The following CNTNAP2 variants were observed in gnomAD, a reference collection of about 807,000 sequenced individuals.
The protein encoded by CNTNAP2 is contactin-associated protein-like 2.
CNTNAP2 carries 98 observed loss-of-function variants against 155.2 expected under a neutral mutation model. That is an observed-to-expected ratio of 0.63 (90% CI 0.54 to 0.75). CNTNAP2 has a LOEUF of 0.75. CNTNAP2 is among the 30% of genes least tolerant of loss of function. CNTNAP2 has a pLI of 0.00. For synonymous variants in CNTNAP2, 651 were observed against 631.2 expected, an observed-to-expected ratio of 1.03 and a Z score of -0.47; for missense variants, 1,727 against 1,688.1, an observed-to-expected ratio of 1.02 and a Z score of -0.40.
rs534923095 is a variant in CNTNAP2, at chr7:147,913,640, G to A, written c.2255+9919G>A. On this transcript the variant is annotated intron_variant, in intron 14 of 23. Transcript: ENST00000361727. ...GTCTGGAAAACAGAAACCTTAATAC[G>A]AGACAGAAGGTACTGCACGATGGCA... Among the ~76,000 whole-genome samples the A allele has an allele frequency of 2.8e-4, 42 of 152,310 alleles. 1 individual carries two copies. The highest frequency in any genetic ancestry group is 4.3e-4 in the Non-Finnish European group (29 of 68,020).
At chr7:147,123,268 A>G (rs774564463) in intron 6 of CNTNAP2, among the ~76,000 whole-genome samples, 1 of 152,232 alleles carries the variant, frequency 6.6e-6, no homozygotes, top group Non-Finnish European at 1.5e-5. Context: ...TGAATTATTC[A>G]TCCTCTGTTA....
At chr7:146,534,232 C>A (rs749067870) in intron 1 of CNTNAP2, among the ~76,000 whole-genome samples, 2 of 152,020 alleles carry the variant, frequency 1.3e-5, no homozygotes, top group Non-Finnish European at 2.9e-5. Flanking sequence ...TAAAATTGAA[C>A]TTGATTTTTT....
At chr7:147,162,342 A>G (rs1438574840) in intron 8 of CNTNAP2, among the ~76,000 whole-genome samples, 1 of 152,202 alleles carries the variant, frequency 6.6e-6, no homozygotes, top group Non-Finnish European at 1.5e-5. Flanking sequence ...ATTATTATGA[A>G]TAATGTTGTA....
intron 1 of CNTNAP2, among the ~76,000 whole-genome samples, chr7:146,187,892 A>G (rs1798646442): frequency 6.6e-6 from 1 of 152,168 alleles, no homozygotes; most frequent in African/African-American, 2.4e-5. Flanking sequence ...TCCACAACCC[A>G]TTAATACGTT....
At chr7:147,567,609 G>A (rs906174379) in intron 12 of CNTNAP2, among the ~76,000 whole-genome samples, 9 of 152,240 alleles carry the variant, frequency 5.9e-5, no homozygotes, top group Admixed American at 3.9e-4. Flanking sequence ...TGGCCAGACC[G>A]TTCCTGATGA....
intron 1 of CNTNAP2, among the ~76,000 whole-genome samples, chr7:146,561,571 G>A (rs1030489334): frequency 1.3e-5 from 2 of 152,032 alleles, no homozygotes; most frequent in African/African-American, 2.4e-5. Context: ...AGGCGGGAGC[G>A]TCGCTTGACC....
chr7:146,532,468 T>A (rs1007052543), intron 1 of CNTNAP2, among the ~76,000 whole-genome samples: 3 of 152,184 alleles, frequency 2.0e-5, no homozygotes, highest in Non-Finnish European at 4.4e-5. Context: ...TCCCACTTTC[T>A]TCTGAAACTT....
At chr7:146,959,106 G>A (rs1007964175) in intron 3 of CNTNAP2, among the ~76,000 whole-genome samples, 3 of 151,730 alleles carry the variant, frequency 2.0e-5, no homozygotes, top group African/African-American at 7.3e-5. Context: ...TGCAACCTCC[G>A]CCTTCCAGGT....
intron 14 of CNTNAP2, among the ~76,000 whole-genome samples, chr7:147,946,439 C>T (rs1326824921): frequency 6.6e-6 from 1 of 151,962 alleles, no homozygotes; most frequent in East Asian, 1.9e-4. Context: ...CAAAATAAAC[C>T]AGATAGCTTG....
At chr7:147,837,526 A>G (rs1798653369) in intron 13 of CNTNAP2, among the ~76,000 whole-genome samples, 1 of 152,116 alleles carries the variant, frequency 6.6e-6, no homozygotes, top group African/African-American at 2.4e-5. Flanking sequence ...TGCCTTCCCA[A>G]CAGTCCCCCA....
At chr7:147,394,807 TTGTGTGTGTGTG>T (rs61695156) in intron 9 of CNTNAP2, among the ~76,000 whole-genome samples, 1,414 of 139,338 alleles carry the variant, frequency 0.01, 20 homozygotes, top group African/African-American at 0.033. Flanking sequence ...ATCAACAGTA[TTGTGTGTGTGTG>T]TGTGTGTGTG....
chr7:148,369,996 C>T (rs1188744091), intron 21 of CNTNAP2, among the ~76,000 whole-genome samples: 3 of 152,096 alleles, frequency 2.0e-5, no homozygotes, highest in Non-Finnish European at 4.4e-5. Context: ...TTTTAAGTTC[C>T]AAGGGATGTA....
At chr7:147,632,705 G>A (rs1247688600) in intron 12 of CNTNAP2, among the ~76,000 whole-genome samples, 18 of 152,178 alleles carry the variant, frequency 1.2e-4, no homozygotes, top group Non-Finnish European at 2.4e-4. Context: ...AAATATGGAA[G>A]CAACTTTGGA....
intron 13 of CNTNAP2, among the ~76,000 whole-genome samples, chr7:147,784,690 T>C (rs975081075): frequency 6.7e-6 from 1 of 149,930 alleles, no homozygotes; most frequent in Non-Finnish European, 1.5e-5. Flanking sequence ...ACATTTGACA[T>C]CATCGGATTT....
intron 13 of CNTNAP2, among the ~76,000 whole-genome samples, chr7:147,850,835 G>A (rs1798923820): frequency 6.6e-6 from 1 of 152,038 alleles, no homozygotes; most frequent in Admixed American, 6.6e-5. Flanking sequence ...GAAAACCTAG[G>A]CAATACCATT....
At chr7:147,902,988 T>C (rs542608006) in intron 13 of CNTNAP2, among the ~76,000 whole-genome samples, 25 of 151,836 alleles carry the variant, frequency 1.6e-4, no homozygotes, top group African/African-American at 4.6e-4. Context: ...TGGGTAGATA[T>C]CCATTTGTGG....
At chr7:146,420,974 A>G (rs983608112) in intron 1 of CNTNAP2, among the ~76,000 whole-genome samples, 7 of 152,070 alleles carry the variant, frequency 4.6e-5, no homozygotes, top group East Asian at 1.9e-4. Context: ...TTATGATAAC[A>G]TATCCACTTT....
At chr7:146,985,076 A>G (rs1053305087) in intron 3 of CNTNAP2, among the ~76,000 whole-genome samples, 3 of 152,176 alleles carry the variant, frequency 2.0e-5, no homozygotes, top group African/African-American at 7.2e-5. Context: ...AGTCAGTTCT[A>G]TGTAGTTATA....
intron 1 of CNTNAP2, among the ~76,000 whole-genome samples, chr7:146,521,949 C>G (rs1797622258): frequency 6.6e-6 from 1 of 151,876 alleles, no homozygotes; most frequent in African/African-American, 2.4e-5. Context: ...AATTGTAAAA[C>G]ACACAAATGA....
Sources: allele counts gnomAD v4.1 joint callset (sites outside exome capture counted in the v4.1 genomes callset), GRCh38; gene constraint gnomAD v4.1.1; transcripts MANE v1.5; gene names NCBI Gene and HGNC (gene_info 2026-07-23, HGNC 2026-07-21).